Variants in SRCAP observed in about 807,000 individuals in gnomAD.
The protein encoded by SRCAP is chromatin remodeling protein SRCAP.
SRCAP carries 46 observed loss-of-function variants against 263.1 expected under a neutral mutation model. The ratio of observed to expected loss-of-function variants is 0.17; its 90% CI spans 0.14 to 0.22. The LOEUF (loss-of-function observed/expected upper bound fraction) is 0.22, where lower values mean the gene tolerates loss of function less well. Among genes scored for constraint, SRCAP ranks in the 10% least tolerant of loss-of-function variants. The pLI is 1.00. For missense variants in SRCAP, 3,695 were observed against 4,181.9 expected, an observed-to-expected ratio of 0.88 and a Z score of 3.21; for synonymous variants, 1,813 against 1,662.1, an observed-to-expected ratio of 1.09 and a Z score of -2.21.
chr16:30,721,545 A>T (rs2053012015), intron 21 of SRCAP, 69 bp downstream of exon 21: 1 of 1,544,592 alleles, frequency 6.5e-7, no homozygotes, highest in South Asian at 1.2e-5. Flanking sequence ...GAGAGCATCA[A>T]ATTTTAGGCA....
chr16:30,705,363 C>G (rs1360891413), intron 4 of SRCAP, among the ~76,000 whole-genome samples: 2 of 152,088 alleles, frequency 1.3e-5, no homozygotes, highest in African/African-American at 4.8e-5. Flanking sequence ...AGGGTAGGGC[C>G]CAGCAATGTT....
At position 30,729,422 on chromosome 16, in the gene SRCAP, T is replaced by G; in HGVS notation, c.5977T>G (p.Cys1993Gly). The G allele has an allele frequency of 6.2e-7, 1 of 1,614,164 alleles. No homozygotes were observed. The highest frequency in any genetic ancestry group is 2.2e-5 in the East Asian group (1 of 44,882). The change falls in exon 27 of 34, where the codon TGC becomes GGC. Residue 1993 changes from cysteine to glycine, a missense_variant. Cys to Gly is a radical substitution (Grantham distance 159, BLOSUM62 -3). Transcript: ENST00000262518. ...GGCACCTCCCCCTTCCCTGCATGCC[T>G]GCCACCCACCTCCTTGGCTGGCCCC... ...VEAPPPSLHA[C>G]HPPPWLAPRQ...
Position 30,721,363 on chromosome 16 carries a change from C to T in SRCAP, c.3428C>T (p.Ala1143Val). 3 of 1,614,114 alleles carry T rather than the reference C, an allele frequency of 1.9e-6. No individual in the cohort carries two copies. Among genetic ancestry groups the T allele is most frequent in the Non-Finnish European group, 1.7e-6 (2 of 1,180,036 alleles). ...CCAGGCTACACCTTCCCTCCTGCTG[C>T]TGCCACCACCACTTCTACCACCACG... is the stretch of plus-strand genomic sequence containing the variant. ...VPPGYTFPPA[A>V]ATTTSTTTAT... Residue 1143 changes from alanine to valine, a missense_variant, in exon 21 of 34, where the codon GCT becomes GTT. Physicochemically the swap from Ala to Val is moderately conservative, Grantham distance 64 (BLOSUM62 0). Coordinates refer to ENST00000262518, the MANE Select transcript of SRCAP (RefSeq NM_006662.3).
intron 16 of SRCAP, among the ~76,000 whole-genome samples, 160 bp from the exon 17 acceptor site, chr16:30,715,906 C>T (rs78196176): frequency 3.3e-4 from 51 of 152,308 alleles, no homozygotes; most frequent in African/African-American, 1.2e-3. Flanking sequence ...TCTCCTTCAG[C>T]AGACAGCAGA....
rs1280150092 is a variant in SRCAP at position 30,723,160 on chromosome 16, C to T, written c.4090C>T (p.Pro1364Ser). The change falls in exon 24 of 34, where the codon CCC (proline) becomes TCC (serine). Residue 1364 changes from proline to serine, a missense_variant. Physicochemically the swap from Pro to Ser is moderately conservative, Grantham distance 74 (BLOSUM62 -1). Transcript: ENST00000262518. ...PTPTLGTARA[P>S]MPTPTLVRPL... ...ACCTACTCTGGGTACTGCTCGAGCC[C>T]CCATGCCCACACCCACTCTGGTGAG... The T allele has an allele frequency of 1.2e-6, 2 of 1,614,018 alleles. No homozygotes were observed. The highest frequency in any genetic ancestry group is 1.7e-5 in the Admixed American group (1 of 59,978).
rs147634189 is a variant in SRCAP at position 30,724,644 on chromosome 16, G to A, written c.5220G>A (p.Leu1740=). 2 of 1,613,976 alleles carry A rather than the reference G, an allele frequency of 1.2e-6. No homozygotes were observed. The highest frequency in any genetic ancestry group is 2.7e-5 in the African/African-American group (2 of 74,884). ...QTLSLAPGPP[L]GPTQTLSLAP... Reference sequence around the variant, plus strand: ...TGTCTTTGGCACCAGGACCACCACTGGGTCCAACTCAGACGCTGTCTCTGG... The same window carrying A: ...TGTCTTTGGCACCAGGACCACCACTAGGTCCAACTCAGACGCTGTCTCTGG... The change falls in exon 25 of 34, where the codon CTG becomes CTA. Residue 1740 remains leucine, a synonymous_variant. Transcript: ENST00000262518.
chr16:30,699,280 A>C, intron 1 of SRCAP, 38 bp downstream of exon 1: 2 of 398,478 alleles, frequency 5.0e-6, no homozygotes, highest in Non-Finnish European at 8.8e-6. Context: ...CGGAGTAGGG[A>C]GTGAATCAAA....
chr16:30,721,040 A>G, intron 20 of SRCAP, 62 bp downstream of exon 20: 1 of 1,550,204 alleles, frequency 6.5e-7, no homozygotes. Context: ...CAGACTGAGG[A>G]GGAAGTAGTG....
intron 27 of SRCAP, among the ~76,000 whole-genome samples, chr16:30,730,337 T>TTG (rs1488575799): frequency 1.9e-4 from 26 of 133,658 alleles, no homozygotes; most frequent in Admixed American, 1.5e-3. Context: ...CAACTAACAG[T>TTG]CATTGTTTTC....
At position 30,729,225 on chromosome 16, in the gene SRCAP, T is replaced by A. The variant is rs772327836; in HGVS notation, c.5918T>A (p.Ile1973Asn). Residue 1973 changes from isoleucine (I) to asparagine (N), a missense_variant, in exon 26 of 34, where the codon ATT becomes AAT. Ile to Asn is a moderately radical substitution (Grantham distance 149). This residue lies in a region of SRCAP where 1,347 missense variants were observed against 1,304.4 expected (regional missense o/e 1.03). Transcript: ENST00000262518. ...QQRLDQLSEIIERFIFVMPPV... is the reference protein window; with the variant it reads ...QQRLDQLSEINERFIFVMPPV... Reference sequence around the variant, plus strand: ...CGACTAGACCAGCTGTCAGAAATCATTGAGAGGTTGGCAGGGCTAAGTGCT... The same window carrying A: ...CGACTAGACCAGCTGTCAGAAATCAATGAGAGGTTGGCAGGGCTAAGTGCT... 1.2e-6 allele frequency: 2 copies of A among 1,606,134 alleles called. No homozygotes were observed. Among genetic ancestry groups the A allele is most frequent in the Non-Finnish European group, 1.7e-6 (2 of 1,174,362 alleles).
rs1259771574 is a variant in SRCAP at position 30,738,512 on chromosome 16, C to G, written c.8472C>G (p.Pro2824=). Reference sequence around the variant, plus strand: ...CACTGCCCACTCCACCCCAGCAGCCCTTCATTGCTCGCCGTCACATTGAGC... The same window carrying G: ...CACTGCCCACTCCACCCCAGCAGCCGTTCATTGCTCGCCGTCACATTGAGC... ...SSSLPTPPQQ[P]FIARRHIELG... Residue 2824 remains proline, a synonymous_variant, in exon 34 of 34, where the codon CCC becomes CCG. Coordinates refer to ENST00000262518, the MANE Select transcript of SRCAP (RefSeq NM_006662.3). 8.7e-6 allele frequency: 14 copies of G among 1,611,534 alleles called. No homozygotes were observed. Among genetic ancestry groups the G allele is most frequent in the Non-Finnish European group, 1.2e-5 (14 of 1,178,674 alleles).
Position 30,739,055 on chromosome 16 carries a change from G to A in SRCAP, c.9015G>A (p.Arg3005=). Residue 3005 remains arginine (R), a synonymous_variant, in exon 34 of 34, where the codon CGG becomes CGA. Transcript: ENST00000262518. ...TVTISTSPPK[R]KRGRPPKNPP... is the part of the protein sequence containing the mutation. The stretch of plus-strand genomic sequence containing the variant: ...CCATTTCAACGTCCCCACCCAAACG[G>A]AAGAGGGGCCGACCTCCCAAGAATC... 1.2e-6 allele frequency: 2 copies of A among 1,614,176 alleles called. No homozygotes were observed. The highest frequency in any genetic ancestry group is 2.2e-5 in the East Asian group (1 of 44,872).
In SRCAP at chr16:30,712,094, T is replaced by C. The variant is rs766917767; in HGVS notation, c.1752T>C (p.Ile584=). 8 of 1,614,080 alleles carry C rather than the reference T, an allele frequency of 5.0e-6. No individual in the cohort carries two copies. Among genetic ancestry groups the C allele is most frequent in the Non-Finnish European group, 6.8e-6 (8 of 1,180,028 alleles). The change falls in exon 12 of 34, where the codon ATT becomes ATC. Residue 584 remains isoleucine (I), a synonymous_variant. Coordinates refer to ENST00000262518, the MANE Select transcript of SRCAP (RefSeq NM_006662.3). ...GPTTLGPKKE[I]TDIAAAAESL... The stretch of plus-strand genomic sequence containing the variant: ...CTACTCTAGGTCCAAAGAAAGAAAT[T>C]ACTGACATTGCTGCAGCAGCTGAAA...
At chr16:30,711,260 T>C (rs1478951649) in intron 10 of SRCAP, among the ~76,000 whole-genome samples, 172 bp downstream of exon 10, 1 of 152,200 alleles carries the variant, frequency 6.6e-6, no homozygotes, top group African/African-American at 2.4e-5. Flanking sequence ...TGAGTGCTTA[T>C]GATAGAAGTT....
rs2053088381 is a variant in SRCAP, at chr16:30,728,980, AAAGCGG to A, written c.5680_5685del (p.Lys1894_Arg1895del). ...CTCACCCCCAGGACTCCCTGGAGGA[AAAGCGG>A]AAGCGGCAGCGGTCTGAACGCCTGG... On this transcript the variant is annotated inframe_deletion, in exon 26 of 34. Transcript: ENST00000262518. 6.2e-7 allele frequency: 1 copy of A among 1,613,104 alleles called. No homozygotes were observed. The highest frequency in any genetic ancestry group is 8.5e-7 in the Non-Finnish European group (1 of 1,179,264).
chr16:30,711,693 G>C lies in SRCAP; in HGVS notation c.1441G>C (p.Gly481Arg). ...TAATAGCTCTGACTGTGAACCAGAG[G>C]GGCCCGTGGAAGCGGAAGAGCCTCC... The part of the protein sequence containing the change: ...DANSSDCEPE[G>R]PVEAEEPPQE... Residue 481 changes from glycine (G) to arginine (R), a missense_variant, in exon 11 of 34, where the codon GGG becomes CGG. Physicochemically the swap from Gly to Arg is moderately radical, Grantham distance 125. Transcript: ENST00000262518. 2 of 1,614,020 alleles carry C rather than the reference G, an allele frequency of 1.2e-6. No individual in the cohort carries two copies. Among genetic ancestry groups the C allele is most frequent in the Admixed American group, 1.7e-5 (1 of 59,964 alleles).
chr16:30,735,340 G>T (rs535329763), intron 31 of SRCAP, among the ~76,000 whole-genome samples: 1 of 150,656 alleles, frequency 6.6e-6, no homozygotes, highest in African/African-American at 2.4e-5. Context: ...TAGAGACAGG[G>T]TTTCACCGTT....
intron 6 of SRCAP, 112 bp downstream of exon 6, chr16:30,707,824 C>T: frequency 1.5e-6 from 2 of 1,374,406 alleles, no homozygotes; most frequent in African/African-American, 1.4e-5. Context: ...TCAGGCAACT[C>T]TAATGACGTT....
chr16:30,705,556 C>T (rs946269449), intron 4 of SRCAP, among the ~76,000 whole-genome samples: 2 of 151,546 alleles, frequency 1.3e-5, no homozygotes, highest in South Asian at 2.1e-4. Flanking sequence ...CCCGCCATCA[C>T]ACCCGGCTAA....
Sources: allele counts gnomAD v4.1 joint callset (sites outside exome capture counted in the v4.1 genomes callset), GRCh38; gene constraint gnomAD v4.1.1; regional missense constraint gnomAD v4.1.1; transcripts MANE v1.5; gene names NCBI Gene and HGNC (gene_info 2026-07-23, HGNC 2026-07-21).